APBB2: variants seen among roughly 807,000 people sequenced by gnomAD.
APBB2 encodes Fe65-like 1.
In APBB2, 38 loss-of-function variants were observed where a neutral mutation model predicts 82.5. The ratio of observed to expected loss-of-function variants is 0.46; its 90% CI spans 0.36 to 0.60. The LOEUF is 0.60. APBB2 is among the 20% of genes least tolerant of loss of function. APBB2 has a pLI of 0.00. For synonymous variants in APBB2, 341 were observed against 368.2 expected, an observed-to-expected ratio of 0.93 and a Z score of 0.85; for missense variants, 772 against 972.3, an observed-to-expected ratio of 0.79 and a Z score of 2.74.
chr4:40,864,117 T>C (rs56903457), intron 12 of APBB2, among the ~76,000 whole-genome samples: 51,666 of 151,306 alleles, frequency 0.34, 9,186 homozygotes, highest in Non-Finnish European at 0.4. Flanking sequence ...ATTAGCTGGG[T>C]GTGGTGGCGC....
intron 10 of APBB2, among the ~76,000 whole-genome samples, chr4:40,902,377 T>C (rs1039894718): frequency 1.3e-5 from 2 of 152,084 alleles, no homozygotes; most frequent in Non-Finnish European, 1.5e-5. Flanking sequence ...TGGCTCTACA[T>C]AGGAAATGAT....
At chr4:41,099,044 CA>C (rs1297675151) in intron 3 of APBB2, among the ~76,000 whole-genome samples, 2 of 151,958 alleles carry the variant, frequency 1.3e-5, no homozygotes, top group Non-Finnish European at 2.9e-5. Flanking sequence ...ATTCCACTGA[CA>C]ATAATATTTC....
chr4:41,213,821 C>T (rs1438762619), intron 1 of APBB2, among the ~76,000 whole-genome samples: 1 of 152,218 alleles, frequency 6.6e-6, no homozygotes, highest in African/African-American at 2.4e-5. Flanking sequence ...CTTTTCCCCC[C>T]TTTCATGTCT....
chr4:40,957,277 A>G (rs757409499), intron 6 of APBB2, among the ~76,000 whole-genome samples: 3 of 152,236 alleles, frequency 2.0e-5, no homozygotes, highest in Non-Finnish European at 4.4e-5. Context: ...GTATTTCTTC[A>G]TTAAAAAAAT....
At chr4:41,175,925 T>C (rs970889182) in intron 1 of APBB2, among the ~76,000 whole-genome samples, 17 of 134,328 alleles carry the variant, frequency 1.3e-4, no homozygotes, top group Admixed American at 8.8e-4. Context: ...AGATCATGCA[T>C]CATAGGTGAA....
chr4:41,014,283 G>A lies in APBB2; in HGVS notation c.135C>T (p.His45=), dbSNP rs1171850026. 6.2e-7 allele frequency: 1 copy of A among 1,614,046 alleles called. No homozygotes were observed. Among genetic ancestry groups the A allele is most frequent in the Non-Finnish European group, 8.5e-7 (1 of 1,180,046 alleles). Residue 45 remains histidine, a synonymous_variant, in exon 6 of 18, where the codon CAC becomes CAT. Transcript: ENST00000508593. ...PPNTLNLRSS[H]NELLNAEIKH... ...TTATTTCAGCGTTCAACAGTTCATT[G>A]TGGGAGGATCGGAGGTTAAGGGTGT... is the stretch of plus-strand genomic sequence containing the variant.
At chr4:41,163,226 G>A (rs936331791) in intron 1 of APBB2, among the ~76,000 whole-genome samples, 1 of 152,186 alleles carries the variant, frequency 6.6e-6, no homozygotes, top group Admixed American at 6.5e-5. Context: ...TAAAAGATCT[G>A]GGGGGAAAGA....
intron 6 of APBB2, among the ~76,000 whole-genome samples, chr4:40,969,484 A>C (rs1472600585): frequency 2.6e-5 from 4 of 152,248 alleles, no homozygotes; most frequent in Non-Finnish European, 5.9e-5. Context: ...CAACATAGAC[A>C]ACAGATGAGA....
chr4:41,080,371 T>C (rs188938140), intron 3 of APBB2, among the ~76,000 whole-genome samples: 1 of 152,220 alleles, frequency 6.6e-6, no homozygotes, highest in East Asian at 1.9e-4. Flanking sequence ...AAGGGCTTCA[T>C]AAAGGAATCA....
At chr4:40,863,143 C>A (rs2154336058) in intron 12 of APBB2, among the ~76,000 whole-genome samples, 1 of 152,346 alleles carries the variant, frequency 6.6e-6, no homozygotes, top group Non-Finnish European at 1.5e-5. Flanking sequence ...AGGCAGCAAC[C>A]ATGCTTTACT....
intron 3 of APBB2, among the ~76,000 whole-genome samples, chr4:41,098,876 C>G (rs1289974846): frequency 6.6e-6 from 1 of 152,210 alleles, no homozygotes; most frequent in Non-Finnish European, 1.5e-5. Context: ...TTTCTGTAGA[C>G]AGATTGGGTG....
chr4:41,038,645 C>T (rs1720175944), intron 4 of APBB2, among the ~76,000 whole-genome samples: 1 of 152,180 alleles, frequency 6.6e-6, no homozygotes. Flanking sequence ...CTCATTTATC[C>T]TCTTTACCTT....
intron 1 of APBB2, among the ~76,000 whole-genome samples, chr4:41,165,859 C>T (rs958855665): frequency 6.6e-6 from 1 of 151,020 alleles, no homozygotes; most frequent in Non-Finnish European, 1.5e-5. Context: ...TTCATGCCAG[C>T]ATGTCAGGCC....
chr4:41,002,691 T>A (rs73136418), intron 6 of APBB2, among the ~76,000 whole-genome samples: 4,843 of 152,334 alleles, frequency 0.032, 258 homozygotes, highest in African/African-American at 0.11. Flanking sequence ...TGAGAGGTCC[T>A]CTATTTTTAT....
intron 3 of APBB2, among the ~76,000 whole-genome samples, chr4:41,099,221 C>T (rs973087053): frequency 6.6e-6 from 1 of 152,084 alleles, no homozygotes; most frequent in Admixed American, 6.6e-5. Context: ...TGCACACACA[C>T]GTATATGGTT....
rs117649269 is a variant in APBB2, at chr4:40,957,133, C to G, written c.836-12060G>C. ...CAGGGTGGATGTGGAACAAAGGCGG[C>G]GCAAAGCCGGGCACATAGTAATCAC... On this transcript the variant is annotated intron_variant, in intron 6 of 17. Coordinates refer to ENST00000508593, the MANE Select transcript of APBB2 (RefSeq NM_004307.2). Among the ~76,000 whole-genome samples, 128 of 152,266 alleles carry G rather than the reference C, an allele frequency of 8.4e-4. 3 individuals are homozygous for G. The East Asian group carries it at 0.023, about 28-fold the overall frequency.
intron 4 of APBB2, among the ~76,000 whole-genome samples, chr4:41,044,602 A>C (rs1445288349): frequency 1.3e-5 from 2 of 152,174 alleles, no homozygotes; most frequent in Non-Finnish European, 2.9e-5. Context: ...TCTGAAGGTC[A>C]ATTTTGCTAG....
chr4:40,877,439 C>A (rs971253421), intron 12 of APBB2, among the ~76,000 whole-genome samples: 6 of 152,176 alleles, frequency 3.9e-5, no homozygotes, highest in Admixed American at 6.5e-5. Context: ...TTGTTCCCAT[C>A]CTCATTCCAG....
At position 41,160,017 on chromosome 4, in the gene APBB2, GAAGAAGAAGAAGAAGAAGAAA is replaced by G. The variant is rs1169405109; in HGVS notation, c.-416-16896_-416-16876del. On this transcript the variant is annotated intron_variant, in intron 1 of 17. Coordinates refer to ENST00000508593, the MANE Select transcript of APBB2 (RefSeq NM_004307.2). ...AGAAGAAGAAGAAGAAGAAGAAGAA[GAAGAAGAAGAAGAAGAAGAAA>G]ACATCACAGGATGCTGTTTTGCGGA... Among the ~76,000 whole-genome samples, 210 of 147,942 alleles carry G rather than the reference GAAGAAGAAGAAGAAGAAGAAA, an allele frequency of 1.4e-3. 6 individuals carry two copies. Among genetic ancestry groups the G allele is most frequent in the African/African-American group, 5.3e-3 (204 of 38,664 alleles).
Sources: allele counts gnomAD v4.1 joint callset (sites outside exome capture counted in the v4.1 genomes callset), GRCh38; gene constraint gnomAD v4.1.1; transcripts MANE v1.5; gene names NCBI Gene and HGNC (gene_info 2026-07-23, HGNC 2026-07-21).